Variants in MAGI1 observed in about 807,000 individuals in gnomAD.
The protein encoded by MAGI1 is membrane-associated guanylate kinase, WW and PDZ domain-containing protein 1.
A neutral mutation model predicts 139.9 loss-of-function variants in MAGI1; 58 were observed. That is an observed-to-expected ratio of 0.41 (90% confidence interval 0.34 to 0.52). The LOEUF (loss-of-function observed/expected upper bound fraction) is 0.52. Ranked by LOEUF, MAGI1 falls within the 20% of genes least tolerant of loss-of-function variation. The pLI is 0.12. For synonymous variants in MAGI1, 812 were observed against 737.9 expected, an observed-to-expected ratio of 1.10 and a Z score of -1.63; for missense variants, 1,874 against 1,901.6, an observed-to-expected ratio of 0.99 and a Z score of 0.27.
intron 18 of MAGI1, among the ~76,000 whole-genome samples, chr3:65,372,366 G>A (rs902543719): frequency 6.6e-6 from 1 of 152,156 alleles, no homozygotes; most frequent in Admixed American, 6.5e-5. Flanking sequence ...TCAACAGTGG[G>A]CTTAAAATAC....
chr3:65,539,954 C>G lies in MAGI1; in HGVS notation c.431-46323G>C, dbSNP rs79656466. Among the ~76,000 whole-genome samples, 145 of 152,290 alleles carry G rather than the reference C, an allele frequency of 9.5e-4. No homozygotes were observed. The East Asian group carries it at 0.025, about 26-fold the overall frequency. On this transcript the variant is annotated intron_variant, in intron 2 of 22. Transcript: ENST00000402939. ...CAAAGTTTGGATTTCAGGATCAGCT[C>G]TGCCACTTACTACCTGAACTCAGGC...
intron 2 of MAGI1, among the ~76,000 whole-genome samples, chr3:65,495,753 G>C (rs1952385922): frequency 6.6e-6 from 1 of 152,248 alleles, no homozygotes; most frequent in East Asian, 1.9e-4. Flanking sequence ...AAGTAGGGAA[G>C]CTATATTAGC....
At chr3:65,827,935 ACAGT>A (rs886733565) in intron 1 of MAGI1, among the ~76,000 whole-genome samples, 4 of 152,190 alleles carry the variant, frequency 2.6e-5, no homozygotes, top group South Asian at 2.1e-4. Context: ...TATCATGAAA[ACAGT>A]CAGGCTGAAA....
intron 1 of MAGI1, among the ~76,000 whole-genome samples, chr3:65,975,643 T>A (rs971566546): frequency 9.9e-5 from 15 of 151,790 alleles, no homozygotes; most frequent in African/African-American, 2.4e-5. Flanking sequence ...AAATAATAAA[T>A]AGATAAAAAT....
At chr3:65,650,757 T>C (rs1486785477) in intron 1 of MAGI1, among the ~76,000 whole-genome samples, 1 of 152,228 alleles carries the variant, frequency 6.6e-6, no homozygotes, top group Non-Finnish European at 1.5e-5. Context: ...TTTCAGGTCC[T>C]GATCCAGACT....
intron 15 of MAGI1, among the ~76,000 whole-genome samples, chr3:65,382,442 A>C (rs6778443): frequency 0.92 from 140,344 of 152,222 alleles, 65,332 homozygotes; most frequent in Non-Finnish European, 1. Flanking sequence ...CTTTTATTTA[A>C]GGGTCTAGCA....
intron 2 of MAGI1, among the ~76,000 whole-genome samples, chr3:65,578,274 A>C (rs2081265638): frequency 6.6e-6 from 1 of 152,212 alleles, no homozygotes; most frequent in South Asian, 2.1e-4. Flanking sequence ...TCACACACAG[A>C]AACATGGTTC....
chr3:65,608,720 A>G (rs935102514), intron 2 of MAGI1, among the ~76,000 whole-genome samples: 5 of 152,218 alleles, frequency 3.3e-5, no homozygotes, highest in Admixed American at 6.5e-5. Flanking sequence ...TTTGGAAACT[A>G]TTTGGCAATA....
intron 1 of MAGI1, among the ~76,000 whole-genome samples, chr3:65,753,528 C>G (rs761496958): frequency 6.6e-6 from 1 of 151,942 alleles, no homozygotes; most frequent in African/African-American, 2.4e-5. Context: ...TCGAGACCAG[C>G]CTGACCAACA....
At chr3:65,470,033 A>G in intron 5 of MAGI1, 2 of 208,150 alleles carry the variant, frequency 9.6e-6, no homozygotes, top group Non-Finnish European at 1.9e-5. Context: ...CATAATTTCT[A>G]TATACCATAA....
At chr3:65,798,697 C>T (rs980099499) in intron 1 of MAGI1, among the ~76,000 whole-genome samples, 3 of 152,184 alleles carry the variant, frequency 2.0e-5, no homozygotes, top group Non-Finnish European at 4.4e-5. Context: ...ACAGTAGTCC[C>T]CCCATTATCC....
At chr3:65,688,029 C>A in intron 1 of MAGI1, 1 of 839,540 alleles carries the variant, frequency 1.2e-6, no homozygotes, top group Non-Finnish European at 2.0e-6. Context: ...CCCTCACACC[C>A]TGGATCCTAG....
chr3:65,471,169 G>C (rs185198688), intron 4 of MAGI1, among the ~76,000 whole-genome samples: 1 of 152,228 alleles, frequency 6.6e-6, no homozygotes, highest in African/African-American at 2.4e-5. Context: ...TATGACTTGA[G>C]TCTTAAAAGA....
chr3:65,408,860 C>A (rs140221481), intron 12 of MAGI1, among the ~76,000 whole-genome samples: 2 of 152,298 alleles, frequency 1.3e-5, no homozygotes, highest in South Asian at 2.1e-4. Context: ...AGCCTAGGAA[C>A]TGGCATGAAA....
At chr3:65,962,249 G>A (rs965869136) in intron 1 of MAGI1, among the ~76,000 whole-genome samples, 1 of 151,148 alleles carries the variant, frequency 6.6e-6, no homozygotes, top group Non-Finnish European at 1.5e-5. Flanking sequence ...CTCCTGAGTA[G>A]CTGGGACTAC....
At chr3:65,876,819 C>T (rs965133180) in intron 1 of MAGI1, among the ~76,000 whole-genome samples, 1 of 150,922 alleles carries the variant, frequency 6.6e-6, no homozygotes, top group African/African-American at 2.4e-5. Flanking sequence ...TCTCAGCTCA[C>T]TGCAAGCTCC....
rs562685651 is a variant in MAGI1, at chr3:65,497,382, T to C, written c.431-3751A>G. Among the ~76,000 whole-genome samples the C allele has an allele frequency of 7.2e-5, 11 of 152,268 alleles. 1 individual carries two copies. The South Asian group carries it at 2.3e-3, about 32-fold the overall frequency. ...AGCAAAGGAGGAGGGTGTGATGTCT[T>C]GGAGCCAAGTGAAAAAGCTGTTCAG... On this transcript the variant is annotated intron_variant, in intron 2 of 22. Transcript: ENST00000402939.
intron 1 of MAGI1, among the ~76,000 whole-genome samples, chr3:65,980,001 C>T (rs565084873): frequency 6.8e-4 from 103 of 152,248 alleles, no homozygotes; most frequent in African/African-American, 2.4e-3. Context: ...AGCTGCTGAG[C>T]ACATGGCCTT....
intron 7 of MAGI1, 87 bp downstream of exon 7, chr3:65,447,935 A>G (rs1365359118): frequency 3.4e-5 from 48 of 1,422,414 alleles, no homozygotes; most frequent in Non-Finnish European, 4.4e-5. Flanking sequence ...CTAAAGAAAC[A>G]GGGATTAAGC....
Sources: gnomAD v4.1 joint callset for allele counts (sites outside exome capture counted in the v4.1 genomes callset) on GRCh38, gnomAD v4.1.1 for gene constraint, MANE v1.5 for transcripts, NCBI Gene and HGNC (gene_info 2026-07-23, HGNC 2026-07-21) for gene names.